The following RASAL1 variants were observed in gnomAD, a reference collection of about 807,000 sequenced individuals.
RASAL1 encodes RAS protein activator like 1.
RASAL1 carries 72 observed loss-of-function variants against 96.6 expected under a neutral mutation model. That is an observed-to-expected ratio of 0.75 (90% CI 0.62 to 0.91). The LOEUF is 0.91. Among genes scored for constraint, RASAL1 ranks in the 40% least tolerant of loss-of-function variants. The pLI, the probability that RASAL1 is intolerant of heterozygous loss-of-function variation, is 0.00. For synonymous variants in RASAL1, 405 were observed against 430.4 expected (o/e 0.94, Z 0.73); for missense variants, 1,016 against 1,072.5 (o/e 0.95, Z 0.74).
chr12:113,131,655 C>T (rs908143322), intron 1 of RASAL1, among the ~76,000 whole-genome samples: 5 of 152,168 alleles, frequency 3.3e-5, no homozygotes, highest in African/African-American at 1.2e-4. Flanking sequence ...CCAATTCAGG[C>T]CAGCTGCATC....
rs114554819 is a variant in RASAL1, at chr12:113,130,612, G to A, written c.122+273C>T. On this transcript the variant is annotated intron_variant, in intron 2 of 20. Coordinates refer to ENST00000548055, the MANE Select transcript of RASAL1 (RefSeq NM_001301202.2). The surrounding 1 kb of genome is among the most constrained non-coding windows in gnomAD (Gnocchi z 5.1). Reference sequence around the variant, plus strand: ...CAGTCCAGCCAAGCGTGAGATGCCCGCCCCCAGGGAGGCCACTGTAGGAGG... The same window carrying A: ...CAGTCCAGCCAAGCGTGAGATGCCCACCCCCAGGGAGGCCACTGTAGGAGG... Among the ~76,000 whole-genome samples the A allele has an allele frequency of 0.028, 4,331 of 152,254 alleles. 79 individuals are homozygous for A. The highest frequency in any genetic ancestry group is 0.053 in the African/African-American group (2,191 of 41,542).
At position 113,135,716 on chromosome 12, in the gene RASAL1, C is replaced by T; in HGVS notation, c.-254G>A. The T allele has an allele frequency of 4.9e-6, 1 of 202,700 alleles. No homozygotes were observed. Among genetic ancestry groups the T allele is most frequent in the Non-Finnish European group, 1.0e-5 (1 of 100,396 alleles). The allele number at this position is 202,700 out of a possible 1,614,324, so 12.6% of individuals were successfully genotyped here. A position where few individuals can be genotyped will look rare whatever the true frequency, so the allele number is the denominator to read the frequency against. Reference sequence around the variant, plus strand: ...CAGGAGGAGCGCGCAGGGGGCGCAGCGGGCTCTTGCCGAGGCGTCTGGAGC... The same window carrying T: ...CAGGAGGAGCGCGCAGGGGGCGCAGTGGGCTCTTGCCGAGGCGTCTGGAGC... On this transcript the variant is annotated 5_prime_UTR_variant, in exon 1 of 21. Coordinates refer to ENST00000548055, the MANE Select transcript of RASAL1 (RefSeq NM_001301202.2). The surrounding 1 kb of genome is among the most constrained non-coding windows in gnomAD (Gnocchi z 5.7).
chr12:113,123,862 C>T (rs556302348), intron 4 of RASAL1, among the ~76,000 whole-genome samples: 3 of 151,924 alleles, frequency 2.0e-5, no homozygotes, highest in Non-Finnish European at 2.9e-5. Context: ...GGATTACACA[C>T]GTGAGCTATT....
intron 1 of RASAL1, among the ~76,000 whole-genome samples, chr12:113,131,425 C>T (rs1267549632): frequency 6.6e-6 from 1 of 152,078 alleles, no homozygotes; most frequent in African/African-American, 2.4e-5. Context: ...CATGGTCTGG[C>T]CCCCAGCTCT....
intron 4 of RASAL1, among the ~76,000 whole-genome samples, chr12:113,123,825 C>G (rs567310848): frequency 6.6e-6 from 1 of 151,956 alleles, no homozygotes; most frequent in Non-Finnish European, 1.5e-5. Context: ...TCAACTGATC[C>G]GCCAGCCTCG....
At position 113,104,231 on chromosome 12, in the gene RASAL1, A is replaced by C; in HGVS notation, c.1898T>G (p.Leu633Arg). The C allele has an allele frequency of 6.2e-7, 1 of 1,607,140 alleles. No individual in the cohort carries two copies. Among genetic ancestry groups the C allele is most frequent in the Non-Finnish European group, 8.5e-7 (1 of 1,177,270 alleles). The stretch of plus-strand genomic sequence containing the variant: ...CGTCACCACCTGCATCACGTGGGGC[A>C]GTTGGAAGGCGCCCTCGTCTACGCG... ...VERVDEGAFQ[L>R]PHVMQVVTQD... is the part of the protein sequence containing the mutation. Residue 633 changes from leucine to arginine, a missense_variant, in exon 17 of 21, where the codon CTG (leucine) becomes CGG (arginine). Leu to Arg is a moderately radical substitution (Grantham distance 102, BLOSUM62 -2). Coordinates refer to ENST00000548055, the MANE Select transcript of RASAL1 (RefSeq NM_001301202.2).
intron 5 of RASAL1, 76 bp downstream of exon 5, chr12:113,121,433 C>G: frequency 6.3e-7 from 1 of 1,586,920 alleles, no homozygotes; most frequent in Non-Finnish European, 8.6e-7. Context: ...TCCCAAACGC[C>G]AGGCAGCAGG....
intron 2 of RASAL1, among the ~76,000 whole-genome samples, 184 bp from the exon 3 acceptor site, chr12:113,128,362 C>T (rs1449404953): frequency 6.6e-6 from 1 of 150,654 alleles, no homozygotes; most frequent in Non-Finnish European, 1.5e-5. Context: ...CACCCAAGGA[C>T]AGCCACTCCA....
chr12:113,111,953 C>A, intron 13 of RASAL1, 133 bp downstream of exon 13: 2 of 789,420 alleles, frequency 2.5e-6, no homozygotes. Flanking sequence ...GGAACGCTGT[C>A]CCCACTTCTG....
rs1951889548 is a variant in RASAL1, at chr12:113,135,703, G to A, written c.-241C>T. The A allele has an allele frequency of 5.2e-6, 2 of 386,154 alleles. No homozygotes were observed. Among genetic ancestry groups the A allele is most frequent in the Middle Eastern group, 7.4e-4 (1 of 1,352 alleles). 23.9% of individuals were successfully genotyped at this position (386,154 alleles called of 1,614,324 possible). A position where few individuals can be genotyped will look rare whatever the true frequency, so the allele number is the denominator to read the frequency against. Reference sequence around the variant, plus strand: ...GCCGTGCTCCGAGCAGGAGGAGCGCGCAGGGGGCGCAGCGGGCTCTTGCCG... The same window carrying A: ...GCCGTGCTCCGAGCAGGAGGAGCGCACAGGGGGCGCAGCGGGCTCTTGCCG... On this transcript the variant is annotated 5_prime_UTR_variant, in exon 1 of 21. Transcript: ENST00000548055. The surrounding 1 kb of genome is among the most constrained non-coding windows in gnomAD (Gnocchi z 5.7).
chr12:113,115,009 G>T lies in RASAL1; in HGVS notation c.1069-97C>A, dbSNP rs115509344. ...GGGGGACCATGCAGGAAGAGGTTCA[G>T]AGAGAGGCCAGGGCTGGGGTAGGGG... is the stretch of plus-strand genomic sequence containing the variant. On this transcript the variant is annotated intron_variant, in intron 11 of 20. Transcript: ENST00000548055. This position sits in a 1 kb window ranked among gnomAD's most constrained non-coding sequence, Gnocchi z 4.1. 5,460 of 1,164,738 alleles carry T rather than the reference G, an allele frequency of 4.7e-3. 171 individuals are homozygous for T. In the African/African-American group the frequency reaches 0.071, roughly 15 times the overall value. The allele number at this position is 1,164,738 out of a possible 1,614,324, so 72.2% of individuals were successfully genotyped here. A position where few individuals can be genotyped will look rare whatever the true frequency, so the allele number is the denominator to read the frequency against.
At chr12:113,117,291 C>T (rs929587951) in intron 7 of RASAL1, 130 bp from the exon 8 acceptor site, 2 of 581,290 alleles carry the variant, frequency 3.4e-6, no homozygotes, top group African/African-American at 3.9e-5. Context: ...GCCAGGGGAC[C>T]CCTCCTTCTC....
intron 14 of RASAL1, chr12:113,107,627 A>AG (rs1950699169): frequency 2.4e-6 from 1 of 414,204 alleles, no homozygotes; most frequent in Non-Finnish European, 4.7e-6. Flanking sequence ...GTCTCAAGGA[A>AG]AAAAATAAAT....
intron 4 of RASAL1, among the ~76,000 whole-genome samples, chr12:113,126,499 T>C (rs1951485546): frequency 6.6e-6 from 1 of 151,996 alleles, no homozygotes. Context: ...TGATTTCACA[T>C]GGTGAAACCC....
intron 3 of RASAL1, 75 bp downstream of exon 3, chr12:113,127,990 C>A: frequency 6.5e-7 from 1 of 1,545,816 alleles, no homozygotes; most frequent in Non-Finnish European, 8.9e-7. Flanking sequence ...GGGCTGTGGA[C>A]CCACATCCCC....
Position 113,127,822 on chromosome 12 carries a change from G to T in RASAL1, c.288C>A (p.Ala96=). The T allele has an allele frequency of 6.2e-7, 1 of 1,611,838 alleles. No homozygotes were observed. Among genetic ancestry groups the T allele is most frequent in the Non-Finnish European group, 8.5e-7 (1 of 1,178,186 alleles). Residue 96 remains alanine, a synonymous_variant, in exon 4 of 21, where the codon GCC becomes GCA. Coordinates refer to ENST00000548055, the MANE Select transcript of RASAL1 (RefSeq NM_001301202.2). ...KISLSREAIT[A]DPRGIDSWIN... ...ATGTCCCTCGCCCACCTCGGGGGTC[G>T]GCTGTAATCGCCTCCCTGCTCAGCG...
intron 16 of RASAL1, among the ~76,000 whole-genome samples, chr12:113,105,088 G>A (rs1950600329): frequency 6.6e-6 from 1 of 152,218 alleles, no homozygotes; most frequent in African/African-American, 2.4e-5. Context: ...AATAGAAACA[G>A]GAAGCGTGGG....
At chr12:113,108,790 G>A (rs1435438401) in intron 13 of RASAL1, among the ~76,000 whole-genome samples, 1 of 152,086 alleles carries the variant, frequency 6.6e-6, no homozygotes, top group Non-Finnish European at 1.5e-5. Context: ...GCAGAGCCAG[G>A]AGTTGGACTT....
Position 113,115,858 on chromosome 12 carries a change from C to G in RASAL1, c.850-70G>C. 6.3e-7 allele frequency: 1 copy of G among 1,593,240 alleles called. No homozygotes were observed. Reference sequence around the variant, plus strand: ...CCAAAGCAGATGGGCCTAGATAGGGCTCCGTGAGGCAGGGGGAGGCCAGGA... The same window carrying G: ...CCAAAGCAGATGGGCCTAGATAGGGGTCCGTGAGGCAGGGGGAGGCCAGGA... On this transcript the variant is annotated intron_variant, in intron 9 of 20. Coordinates refer to ENST00000548055, the MANE Select transcript of RASAL1 (RefSeq NM_001301202.2). The surrounding 1 kb of genome is among the most constrained non-coding windows in gnomAD (Gnocchi z 4.1).
Sources: allele counts gnomAD v4.1 joint callset (sites outside exome capture counted in the v4.1 genomes callset), GRCh38; gene constraint gnomAD v4.1.1; non-coding constraint Gnocchi (gnomAD v3.1); transcripts MANE v1.5; gene names NCBI Gene and HGNC (gene_info 2026-07-23, HGNC 2026-07-21).